DNAJC10: variants seen among roughly 807,000 people sequenced by gnomAD.
DNAJC10 encodes DnaJ heat shock protein family (Hsp40) member C10, also known as endoplasmic reticulum disulfide reductase DNAJC10.
In DNAJC10, 101 loss-of-function variants were observed where a neutral mutation model predicts 115.0. That is an observed-to-expected ratio of 0.88 (90% CI 0.75 to 1.04). The LOEUF is 1.04. DNAJC10 is among the 50% of genes least tolerant of loss of function. DNAJC10 has a pLI of 0.00. For synonymous variants in DNAJC10, 307 were observed against 301.5 expected (o/e 1.02, Z -0.19); for missense variants, 981 against 928.8 (o/e 1.06, Z -0.73).
chr2:182,749,809 G>A (rs927917110), intron 14 of DNAJC10, among the ~76,000 whole-genome samples: 2 of 152,112 alleles, frequency 1.3e-5, no homozygotes, highest in Admixed American at 6.5e-5. Flanking sequence ...ACAGTTTTTC[G>A]TGGTCAGGAA....
chr2:182,765,143 A>T (rs1471534430), intron 22 of DNAJC10, among the ~76,000 whole-genome samples: 1 of 152,170 alleles, frequency 6.6e-6, no homozygotes, highest in Admixed American at 6.5e-5. Flanking sequence ...ATAAAGGTCA[A>T]GTTTGCAAAC....
rs1694734838 is a variant in DNAJC10, at chr2:182,777,414, AAC to A, written c.*284_*285del. On this transcript the variant is annotated 3_prime_UTR_variant, in exon 24 of 24. Coordinates refer to ENST00000264065, the MANE Select transcript of DNAJC10 (RefSeq NM_018981.4). ...CATGTATTCTTTGTTATTTGCTTTT[AAC>A]AACCTTTAAAAAATATTAAAACGAT... is the stretch of plus-strand genomic sequence containing the variant. The A allele has an allele frequency of 8.6e-6, 2 of 233,376 alleles. No homozygotes were observed. Among genetic ancestry groups the A allele is most frequent in the Admixed American group, 1.1e-4 (2 of 17,896 alleles). 14.5% of individuals were successfully genotyped at this position (233,376 alleles called of 1,614,324 possible).
chr2:182,743,674 T>G lies in DNAJC10; in HGVS notation c.1268T>G (p.Phe423Cys), dbSNP rs1360697621. 6 of 1,613,092 alleles carry G rather than the reference T, an allele frequency of 3.7e-6. No homozygotes were observed. The highest frequency in any genetic ancestry group is 5.1e-6 in the Non-Finnish European group (6 of 1,179,300). Residue 423 changes from phenylalanine to cysteine, a missense_variant, in exon 14 of 24, where the codon TTT (phenylalanine) becomes TGT (cysteine). Phe to Cys is a radical substitution (Grantham distance 205). Coordinates refer to ENST00000264065, the MANE Select transcript of DNAJC10 (RefSeq NM_018981.4). ...GTTTTTCAGCCGTCTCTAGCAGTAT[T>G]TAAAGGACAAGGAACCAAAGAATAT... ...LYVFQPSLAV[F>C]KGQGTKEYEI...
At chr2:182,743,500 T>C in intron 13 of DNAJC10, 98 bp from the exon 14 acceptor site, 2 of 782,402 alleles carry the variant, frequency 2.6e-6, no homozygotes, top group Admixed American at 4.8e-5. Context: ...TTAAAAACTG[T>C]GTCATTAGGG....
In DNAJC10 at chr2:182,728,724, ATT is replaced by A. The variant is rs3832045; in HGVS notation, c.501+74_501+75del. 5.3e-5 allele frequency: 78 copies of A among 1,459,132 alleles called. 1 individual carries two copies. In the South Asian group the frequency reaches 9.0e-4, roughly 17 times the overall value. 90.4% of individuals were successfully genotyped at this position (1,459,132 alleles called of 1,614,324 possible). A position where few individuals can be genotyped will look rare whatever the true frequency, so the allele number is the denominator to read the frequency against. ...ATTGATCTGCAATTTATATGTTAGA[ATT>A]TTTTTTTCTATGAATAGTAATCAAA... On this transcript the variant is annotated intron_variant, in intron 6 of 23. Coordinates refer to ENST00000264065, the MANE Select transcript of DNAJC10 (RefSeq NM_018981.4).
At chr2:182,739,212 A>G (rs1265578277) in intron 11 of DNAJC10, among the ~76,000 whole-genome samples, 10 of 144,862 alleles carry the variant, frequency 6.9e-5, no homozygotes, top group Non-Finnish European at 1.5e-4. Context: ...ATATATTTAT[A>G]TATATAATAT....
chr2:182,719,295 G>A lies in DNAJC10; in HGVS notation c.205-712G>A, dbSNP rs1178861723. Among the ~76,000 whole-genome samples the A allele has an allele frequency of 2.7e-5, 3 of 109,708 alleles. No individual in the cohort carries two copies. In the Admixed American group the frequency reaches 3.9e-4, roughly 14 times the overall value. 72.0% of individuals were successfully genotyped at this position (109,708 alleles called of 152,430 possible). On this transcript the variant is annotated intron_variant, in intron 3 of 23. Transcript: ENST00000264065. ...TTTTGAGATAGGGTCTCACTCTCTTGCCCAGACTGGAGTGCAGTGACGCCA... is the reference window on the plus strand; with the variant it reads ...TTTTGAGATAGGGTCTCACTCTCTTACCCAGACTGGAGTGCAGTGACGCCA...
rs141146552 is a variant in DNAJC10 at position 182,766,383 on chromosome 2, C to G, written c.2265+3582C>G. Among the ~76,000 whole-genome samples the G allele has an allele frequency of 1.8e-3, 274 of 152,214 alleles. 2 individuals are homozygous for G. Among genetic ancestry groups the G allele is most frequent in the African/African-American group, 6.3e-3 (261 of 41,532 alleles). On this transcript the variant is annotated intron_variant, in intron 22 of 23. Coordinates refer to ENST00000264065, the MANE Select transcript of DNAJC10 (RefSeq NM_018981.4). ...ATGATGGGACCGAGGAGCTCTTGTG[C>G]TGGAAGAAACAAAGCTAGTAGGGGT... is the stretch of plus-strand genomic sequence containing the variant.
chr2:182,750,156 G>C (rs1693979143), intron 14 of DNAJC10, among the ~76,000 whole-genome samples: 1 of 152,188 alleles, frequency 6.6e-6, no homozygotes, highest in African/African-American at 2.4e-5. Context: ...AAGAGAGAGA[G>C]AGAGAGTCAA....
At chr2:182,739,534 TATA>T (rs1465943272) in intron 11 of DNAJC10, 1 of 1,218,350 alleles carries the variant, frequency 8.2e-7, no homozygotes, top group African/African-American at 1.6e-5. Context: ...CTGCATTCTT[TATA>T]ATAACAGCTG....
intron 2 of DNAJC10, among the ~76,000 whole-genome samples, 187 bp from the exon 3 acceptor site, chr2:182,717,754 G>C (rs1693032269): frequency 2.0e-5 from 3 of 152,262 alleles, no homozygotes; most frequent in African/African-American, 7.2e-5. Context: ...CCTTTTTTCT[G>C]CTATCTTCAG....
At chr2:182,754,744 T>TGAAACA (rs1694113871) in intron 16 of DNAJC10, 9 of 1,172,220 alleles carry the variant, frequency 7.7e-6, no homozygotes, top group Non-Finnish European at 9.5e-6. Context: ...CCATGCCGAT[T>TGAAACA]TCTCAATGTT....
At chr2:182,766,401 G>GT (rs1366806105) in intron 22 of DNAJC10, among the ~76,000 whole-genome samples, 1 of 152,174 alleles carries the variant, frequency 6.6e-6, no homozygotes, top group African/African-American at 2.4e-5. Flanking sequence ...AACAAAGCTA[G>GT]TAGGGGTTCA....
At chr2:182,766,764 G>A (rs1005911690) in intron 22 of DNAJC10, among the ~76,000 whole-genome samples, 9 of 152,104 alleles carry the variant, frequency 5.9e-5, no homozygotes, top group African/African-American at 2.2e-4. Flanking sequence ...TTGTTGAGGA[G>A]ACGCAGCCAC....
intron 22 of DNAJC10, among the ~76,000 whole-genome samples, chr2:182,765,692 T>C (rs1416055599): frequency 1.3e-5 from 2 of 152,156 alleles, no homozygotes; most frequent in Non-Finnish European, 1.5e-5. Flanking sequence ...CAGGTCCTGT[T>C]CTCGAAAAGA....
chr2:182,736,075 T>G (rs556720745), intron 10 of DNAJC10, among the ~76,000 whole-genome samples, 174 bp from the exon 11 acceptor site: 4 of 80,476 alleles, frequency 5.0e-5, no homozygotes, highest in East Asian at 2.6e-4. Flanking sequence ...ATTTCTAAAT[T>G]TATTAAGTAA....
At chr2:182,717,608 C>T (rs2105598501) in intron 2 of DNAJC10, among the ~76,000 whole-genome samples, 1 of 152,292 alleles carries the variant, frequency 6.6e-6, no homozygotes, top group East Asian at 1.9e-4. Context: ...GTATTACAGG[C>T]AACGCTATAA....
At chr2:182,762,411 A>AGTGGGTGGCAGGAAGAAGTTG (rs1247648115) in intron 21 of DNAJC10, among the ~76,000 whole-genome samples, 1 of 152,104 alleles carries the variant, frequency 6.6e-6, no homozygotes, top group Non-Finnish European at 1.5e-5. Flanking sequence ...ATGTGCCAGT[A>AGTGGGTGGCAGGAAGAAGTTG]GTGGGTGGCA....
chr2:182,737,824 T>C (rs1693625487), intron 11 of DNAJC10, among the ~76,000 whole-genome samples: 2 of 152,242 alleles, frequency 1.3e-5, no homozygotes, highest in African/African-American at 4.8e-5. Flanking sequence ...GCCCTGGAGT[T>C]ATTCTTGATT....
Sources: gnomAD v4.1 joint callset for allele counts (sites outside exome capture counted in the v4.1 genomes callset) on GRCh38, gnomAD v4.1.1 for gene constraint, MANE v1.5 for transcripts, NCBI Gene and HGNC (gene_info 2026-07-23, HGNC 2026-07-21) for gene names.